The following BMPR1A variants were observed in gnomAD, a reference collection of about 807,000 sequenced individuals.
BMPR1A encodes the protein bone morphogenetic protein receptor type 1A, also known as bone morphogenetic protein receptor type-1A.
BMPR1A carries 7 observed loss-of-function variants against 66.0 expected under a neutral mutation model. The observed-to-expected ratio is 0.11, with a 90% CI of 0.06 to 0.20. BMPR1A has a LOEUF of 0.20. Among genes scored for constraint, BMPR1A ranks in the 10% least tolerant of loss-of-function variants. The probability of loss-of-function intolerance (pLI) is 1.00; values close to 1 mark genes in which losing one functional copy is unlikely to be tolerated. For missense variants in BMPR1A, 408 were observed against 669.1 expected (o/e 0.61, Z 4.31); for synonymous variants, 200 against 229.7 (o/e 0.87, Z 1.17).
At chr10:86,836,734 A>G (rs1052244900) in intron 1 of BMPR1A, among the ~76,000 whole-genome samples, 1 of 152,222 alleles carries the variant, frequency 6.6e-6, no homozygotes, top group Middle Eastern at 3.4e-3. Context: ...GGAATTCGAG[A>G]CCAGCCTGGG....
chr10:86,876,347 T>C (rs1477245874), intron 3 of BMPR1A, among the ~76,000 whole-genome samples: 2 of 152,234 alleles, frequency 1.3e-5, no homozygotes, highest in Non-Finnish European at 2.9e-5. Flanking sequence ...GCATTAGGTC[T>C]TGTGAGGATT....
chr10:86,860,841 CTT>C (rs1219747565), intron 2 of BMPR1A, among the ~76,000 whole-genome samples: 17 of 135,030 alleles, frequency 1.3e-4, no homozygotes, highest in African/African-American at 1.6e-4. Flanking sequence ...TGCCATAGAA[CTT>C]TTTTTTTTTT....
chr10:86,824,271 A>G (rs990367908), intron 1 of BMPR1A, among the ~76,000 whole-genome samples: 2 of 152,118 alleles, frequency 1.3e-5, no homozygotes, highest in Admixed American at 1.3e-4. Context: ...TTGGGGTAGT[A>G]GTTGCTGCTA....
At chr10:86,855,501 C>T (rs1842628561) in intron 2 of BMPR1A, 1 of 511,950 alleles carries the variant, frequency 2.0e-6, no homozygotes, top group African/African-American at 1.9e-5. Flanking sequence ...TATAATCTTT[C>T]AGGAAATAGT....
In BMPR1A at chr10:86,925,475, C is replaced by A; in HGVS notation, c.*1756C>A. The A allele has an allele frequency of 4.7e-6, 1 of 211,068 alleles. No homozygotes were observed. The allele number at this position is 211,068 out of a possible 1,614,324, so 13.1% of individuals were successfully genotyped here. On this transcript the variant is annotated 3_prime_UTR_variant, in exon 13 of 13. Coordinates refer to ENST00000372037, the MANE Select transcript of BMPR1A (RefSeq NM_004329.3). The stretch of plus-strand genomic sequence containing the variant: ...TTCACAAATTTGAAAATTGCCTTAA[C>A]CATTTTGATTAATAAGTTTCATCTG...
rs757907606 is a variant in BMPR1A at position 86,912,401 on chromosome 10, T to C, written c.675+17T>C. 1.2e-6 allele frequency: 2 copies of C among 1,613,666 alleles called. No homozygotes were observed. The highest frequency in any genetic ancestry group is 1.7e-6 in the Non-Finnish European group (2 of 1,179,650). On this transcript the variant is annotated intron_variant, in intron 8 of 12. Coordinates refer to ENST00000372037, the MANE Select transcript of BMPR1A (RefSeq NM_004329.3). ...CCTTTATTGGTAAGTTAAACGTTCC[T>C]ATAGACATGAATGGTGTGTTGATTT...
At chr10:86,864,950 C>A (rs184440658) in intron 2 of BMPR1A, among the ~76,000 whole-genome samples, 1 of 151,586 alleles carries the variant, frequency 6.6e-6, no homozygotes, top group Non-Finnish European at 1.5e-5. Context: ...CTGAGAAACA[C>A]CGCCCATTCT....
intron 1 of BMPR1A, among the ~76,000 whole-genome samples, chr10:86,812,670 G>C (rs974621903): frequency 1.3e-5 from 2 of 152,080 alleles, no homozygotes; most frequent in East Asian, 3.8e-4. Context: ...AGCATTTTCA[G>C]GTTCACAGCA....
At position 86,912,403 on chromosome 10, in the gene BMPR1A, T is replaced by C. The variant is rs1057522182; in HGVS notation, c.675+19T>C. Reference sequence around the variant, plus strand: ...TTTATTGGTAAGTTAAACGTTCCTATAGACATGAATGGTGTGTTGATTTAG... The same window carrying C: ...TTTATTGGTAAGTTAAACGTTCCTACAGACATGAATGGTGTGTTGATTTAG... On this transcript the variant is annotated intron_variant, in intron 8 of 12. Coordinates refer to ENST00000372037, the MANE Select transcript of BMPR1A (RefSeq NM_004329.3). 5.6e-6 allele frequency: 9 copies of C among 1,613,660 alleles called. No individual in the cohort carries two copies. Among genetic ancestry groups the C allele is most frequent in the Non-Finnish European group, 7.6e-6 (9 of 1,179,654 alleles).
At chr10:86,906,854 T>C (rs540698034) in intron 7 of BMPR1A, among the ~76,000 whole-genome samples, 55 of 152,200 alleles carry the variant, frequency 3.6e-4, no homozygotes, top group Non-Finnish European at 6.6e-4. Flanking sequence ...TCTTTAATTC[T>C]TCAGTTTTTC....
chr10:86,768,653 T>C (rs1841204668), intron 1 of BMPR1A, among the ~76,000 whole-genome samples: 1 of 152,228 alleles, frequency 6.6e-6, no homozygotes, highest in Admixed American at 6.5e-5. Context: ...AATCCTGATA[T>C]GGTTATTGTG....
At chr10:86,822,570 G>A (rs935149754) in intron 1 of BMPR1A, among the ~76,000 whole-genome samples, 7 of 152,106 alleles carry the variant, frequency 4.6e-5, no homozygotes, top group Admixed American at 4.6e-4. Flanking sequence ...TATTAACTGT[G>A]TGACTTTGAG....
chr10:86,771,925 T>G (rs893636554), intron 1 of BMPR1A, among the ~76,000 whole-genome samples: 1 of 151,656 alleles, frequency 6.6e-6, no homozygotes, highest in Non-Finnish European at 1.5e-5. Context: ...CCACTGTGCC[T>G]GGCTCCAATT....
chr10:86,917,572 C>A (rs1419812063), intron 9 of BMPR1A, among the ~76,000 whole-genome samples: 1 of 152,210 alleles, frequency 6.6e-6, no homozygotes, highest in Non-Finnish European at 1.5e-5. Flanking sequence ...ATTGGACTTA[C>A]TCCCATAGTA....
intron 2 of BMPR1A, among the ~76,000 whole-genome samples, chr10:86,841,771 C>T (rs1157046434): frequency 1.3e-5 from 2 of 152,064 alleles, no homozygotes; most frequent in Non-Finnish European, 2.9e-5. Context: ...CAGTTCCCGC[C>T]CCCACCAACC....
intron 1 of BMPR1A, among the ~76,000 whole-genome samples, chr10:86,790,172 AAAAAAAAAAAAAAAAAAT>A (rs1277211026): frequency 1.4e-4 from 5 of 35,246 alleles, no homozygotes; most frequent in African/African-American, 8.1e-4. Context: ...CAAAAAAAAA[AAAAAAAAAAAAAAAAAAT>A]ATATATATAT....
intron 4 of BMPR1A, 81 bp downstream of exon 4, chr10:86,890,305 T>C (rs1247693781): frequency 7.7e-6 from 12 of 1,566,052 alleles, no homozygotes; most frequent in Non-Finnish European, 1.1e-5. Flanking sequence ...ATTAAACTTG[T>C]CTGCGGTTTT....
intron 1 of BMPR1A, among the ~76,000 whole-genome samples, chr10:86,830,843 G>A (rs568101776): frequency 3.3e-5 from 5 of 151,522 alleles, no homozygotes; most frequent in South Asian, 2.1e-4. Flanking sequence ...TCAGTTTATC[G>A]TGTTTTTTTT....
At chr10:86,858,222 C>G (rs1267018013) in intron 2 of BMPR1A, among the ~76,000 whole-genome samples, 1 of 152,132 alleles carries the variant, frequency 6.6e-6, no homozygotes, top group Non-Finnish European at 1.5e-5. Flanking sequence ...AACCTCTCAG[C>G]AAACTAGGAA....
Sources: allele counts gnomAD v4.1 joint callset (sites outside exome capture counted in the v4.1 genomes callset), GRCh38; gene constraint gnomAD v4.1.1; transcripts MANE v1.5; gene names NCBI Gene and HGNC (gene_info 2026-07-23, HGNC 2026-07-21).